C12orf42: variants seen among roughly 807,000 people sequenced by gnomAD.
C12orf42 encodes the protein uncharacterized protein C12orf42.
A neutral mutation model predicts 21.6 loss-of-function variants in C12orf42; 25 were observed. That is an observed-to-expected ratio of 1.16 (90% CI 0.84 to 1.62). The LOEUF is 1.62. C12orf42 is among the 40% of genes most tolerant of loss of function. The pLI is 0.00. For missense variants in C12orf42, 483 were observed against 459.3 expected, an observed-to-expected ratio of 1.05 and a Z score of -0.47; for synonymous variants, 174 against 175.0, an observed-to-expected ratio of 0.99 and a Z score of 0.05.
chr12:103,150,736 G>A, the C12orf42 span, among the ~76,000 whole-genome samples: 1 of 152,138 alleles, frequency 6.6e-6, no homozygotes, highest in Non-Finnish European at 1.5e-5. Flanking sequence ...ATGGATCAGA[G>A]CCTCTATTTC....
the C12orf42 span, among the ~76,000 whole-genome samples, chr12:103,193,774 GA>G: frequency 6.6e-6 from 1 of 152,012 alleles, no homozygotes; most frequent in East Asian, 1.9e-4. Context: ...TTTTAAAAAA[GA>G]ATTAATACCA....
chr12:103,332,160 T>C (rs912832819), intron 4 of C12orf42, among the ~76,000 whole-genome samples: 1 of 152,238 alleles, frequency 6.6e-6, no homozygotes, highest in African/African-American at 2.4e-5. Context: ...GACTGTTCAC[T>C]GAGGACCTAA....
At chr12:103,221,398 G>A in the C12orf42 span, among the ~76,000 whole-genome samples, 1 of 152,084 alleles carries the variant, frequency 6.6e-6, no homozygotes, top group African/African-American at 2.4e-5. Flanking sequence ...ATATCTACTG[G>A]GTGCTGAGTA....
the C12orf42 span, among the ~76,000 whole-genome samples, chr12:103,199,203 T>C: frequency 6.6e-6 from 1 of 152,044 alleles, no homozygotes; most frequent in African/African-American, 2.4e-5. Flanking sequence ...CAAGAATACA[T>C]AATGGTGAAA....
chr12:103,322,632 G>T (rs1224507043), intron 4 of C12orf42, among the ~76,000 whole-genome samples: 1 of 152,158 alleles, frequency 6.6e-6, no homozygotes, highest in Admixed American at 6.5e-5. Context: ...ACTTCAGATA[G>T]ATCTCGGTAA....
At chr12:103,287,708 TA>T (rs1213203462) in intron 4 of C12orf42, among the ~76,000 whole-genome samples, 4,111 of 111,266 alleles carry the variant, frequency 0.037, 136 homozygotes, top group African/African-American at 0.11. Flanking sequence ...AGTATAATAA[TA>T]AAAAAAAAAA....
chr12:103,480,679 T>C (rs1036652657), intron 1 of C12orf42, among the ~76,000 whole-genome samples: 10 of 151,726 alleles, frequency 6.6e-5, no homozygotes, highest in African/African-American at 2.4e-4. Context: ...TTAACCCATA[T>C]GTTGTTTAAA....
At chr12:103,280,710 G>T (rs889561608) in intron 4 of C12orf42, among the ~76,000 whole-genome samples, 3 of 152,218 alleles carry the variant, frequency 2.0e-5, no homozygotes, top group Non-Finnish European at 4.4e-5. Context: ...AAAGCTATTT[G>T]TTATTGAGTG....
At chr12:103,377,952 C>T (rs1335193512) in intron 3 of C12orf42, among the ~76,000 whole-genome samples, 1 of 152,062 alleles carries the variant, frequency 6.6e-6, no homozygotes, top group Non-Finnish European at 1.5e-5. Context: ...TGTCTTTATC[C>T]TTGTGTGTGA....
At chr12:103,119,137 C>T in the C12orf42 span, among the ~76,000 whole-genome samples, 2 of 152,288 alleles carry the variant, frequency 1.3e-5, no homozygotes, top group Non-Finnish European at 2.9e-5. Context: ...TGGTTAGGAG[C>T]GTATGGGCTT....
downstream of C12orf42, among the ~76,000 whole-genome samples, chr12:103,233,710 A>T (rs2033377534): frequency 1.3e-5 from 2 of 152,150 alleles, no homozygotes; most frequent in South Asian, 4.1e-4. Flanking sequence ...GTTTTTTGCC[A>T]GGGGTTTTTG....
At chr12:103,258,747 A>G (rs1400176251) in intron 10 of C12orf42, among the ~76,000 whole-genome samples, 1 of 152,116 alleles carries the variant, frequency 6.6e-6, no homozygotes, top group East Asian at 1.9e-4. Flanking sequence ...ATCAAAACCT[A>G]TATGATACTT....
the C12orf42 span, among the ~76,000 whole-genome samples, chr12:103,551,685 C>T: frequency 2.6e-5 from 4 of 152,058 alleles, no homozygotes; most frequent in Non-Finnish European, 5.9e-5. Flanking sequence ...GAGATGATGA[C>T]ATGCACCTGT....
downstream of C12orf42, among the ~76,000 whole-genome samples, chr12:103,265,717 G>A (rs1344408298): frequency 3.3e-5 from 5 of 152,130 alleles, no homozygotes; most frequent in Admixed American, 3.3e-4. Context: ...GAAACTGTCA[G>A]GGAGAGAAGG....
chr12:103,473,932 T>C (rs1487103420), intron 2 of C12orf42, among the ~76,000 whole-genome samples: 1 of 152,222 alleles, frequency 6.6e-6, no homozygotes, highest in South Asian at 2.1e-4. Context: ...AAGGATATCA[T>C]ATCAGTGCAG....
At chr12:103,515,439 AG>A in the C12orf42 span, among the ~76,000 whole-genome samples, 2 of 152,252 alleles carry the variant, frequency 1.3e-5, no homozygotes, top group Admixed American at 6.5e-5. Flanking sequence ...GGAAAACAAA[AG>A]CACCTGGCAC....
chr12:103,258,758 A>G (rs899821618), intron 10 of C12orf42, among the ~76,000 whole-genome samples: 1 of 152,218 alleles, frequency 6.6e-6, no homozygotes, highest in South Asian at 2.1e-4. Context: ...TATGATACTT[A>G]GGAACAAATA....
intron 2 of C12orf42, among the ~76,000 whole-genome samples, chr12:103,425,190 G>A (rs1949703924): frequency 6.6e-6 from 1 of 152,172 alleles, no homozygotes; most frequent in African/African-American, 2.4e-5. Flanking sequence ...CTCCAGTCAG[G>A]GGCTTATAGA....
At chr12:103,228,327 G>A in the C12orf42 span, among the ~76,000 whole-genome samples, 2 of 152,028 alleles carry the variant, frequency 1.3e-5, no homozygotes, top group South Asian at 4.2e-4. Context: ...CTCAGTGGGG[G>A]TGCTTTTTGA....
Sources: gnomAD v4.1 joint callset for allele counts (sites outside exome capture counted in the v4.1 genomes callset) on GRCh38, gnomAD v4.1.1 for gene constraint, MANE v1.5 for transcripts, NCBI Gene and HGNC (gene_info 2026-07-23, HGNC 2026-07-21) for gene names.